ZNF695: variants seen among roughly 807,000 people sequenced by gnomAD.
The protein encoded by ZNF695 is zinc finger protein SBZF3.
A neutral mutation model predicts 11.2 loss-of-function variants in ZNF695; 11 were observed. That is an observed-to-expected ratio of 0.98 (90% CI 0.62 to 1.62). The LOEUF is 1.62. Among genes scored for constraint, ZNF695 ranks in the 40% most tolerant of loss-of-function variants. ZNF695 has a pLI of 0.00. For missense variants in ZNF695, 559 were observed against 590.5 expected (o/e 0.95, Z 0.55); for synonymous variants, 190 against 201.4 (o/e 0.94, Z 0.48).
chr1:246,976,319 T>G (rs1668556727), intron 4 of ZNF695, among the ~76,000 whole-genome samples: 1 of 152,172 alleles, frequency 6.6e-6, no homozygotes, highest in South Asian at 2.1e-4. Context: ...GCAAAACAAT[T>G]TTTTAATTAG....
chr1:247,007,970 G>A lies in ZNF695; in HGVS notation c.-62C>T. ...AATCTCGCAATACCTGCAGGCCACAGGGCGATGGAGCCTGCGGCAGTCACC... is the reference window on the plus strand; with the variant it reads ...AATCTCGCAATACCTGCAGGCCACAAGGCGATGGAGCCTGCGGCAGTCACC... On this transcript the variant is annotated 5_prime_UTR_variant, in exon 1 of 4. Transcript: ENST00000339986. 6.9e-7 allele frequency: 1 copy of A among 1,445,846 alleles called. No homozygotes were observed. 89.6% of individuals were successfully genotyped at this position (1,445,846 alleles called of 1,614,324 possible). A position where few individuals can be genotyped will look rare whatever the true frequency, so the allele number is the denominator to read the frequency against.
In ZNF695 at chr1:247,000,229, G is replaced by A. The variant is rs571633021; in HGVS notation, c.4-155C>T. Among the ~76,000 whole-genome samples the A allele has an allele frequency of 3.7e-4, 57 of 152,324 alleles. 1 individual carries two copies. The South Asian group carries it at 0.011, about 29-fold the overall frequency. On this transcript the variant is annotated intron_variant, in intron 1 of 3. Coordinates refer to ENST00000339986, the MANE Select transcript of ZNF695 (RefSeq NM_020394.5). ...TTAACACAGAAATATACTCTAGGCC[G>A]GGCGCGGCGGCTCACACCTGTAATC...
At position 246,985,555 on chromosome 1, in the gene ZNF695, T is replaced by C. The variant is rs900913527; in HGVS notation, c.*1412A>G. On this transcript the variant is annotated 3_prime_UTR_variant, in exon 4 of 4. Transcript: ENST00000339986. ...GTAACTAAGGTGAGATAGGTTAACG[T>C]TGGTGGTAGGATACGCATCACTTAA... The C allele has an allele frequency of 3.0e-6, 3 of 985,294 alleles. No individual in the cohort carries two copies. Among genetic ancestry groups the C allele is most frequent in the African/African-American group, 1.7e-5 (1 of 57,242 alleles). 61.0% of individuals were successfully genotyped at this position (985,294 alleles called of 1,614,324 possible). A position where few individuals can be genotyped will look rare whatever the true frequency, so the allele number is the denominator to read the frequency against.
At position 246,987,958 on chromosome 1, in the gene ZNF695, C is replaced by T; in HGVS notation, c.557G>A (p.Cys186Tyr). The T allele has an allele frequency of 1.9e-6, 3 of 1,609,428 alleles. No homozygotes were observed. The highest frequency in any genetic ancestry group is 2.5e-6 in the Non-Finnish European group (3 of 1,178,556). ...ISHTGEKPFK[C>Y]KECGNVSCMS... ...GCAAGAGACATTGCCACATTCTTTG[C>T]ATTTGAATGGTTTTTCTCCAGTATG... The change falls in exon 4 of 4, where the codon TGC (cysteine) becomes TAC (tyrosine). Residue 186 changes from cysteine to tyrosine, a missense_variant. Physicochemically the swap from Cys to Tyr is radical, Grantham distance 194 (BLOSUM62 -2). Transcript: ENST00000339986.
intron 4 of ZNF695, among the ~76,000 whole-genome samples, chr1:246,977,295 CG>C (rs1303919206): frequency 6.6e-6 from 1 of 152,210 alleles, no homozygotes; most frequent in Non-Finnish European, 1.5e-5. Flanking sequence ...GTCGGTCTGT[CG>C]CCCAGGCTGG....
intron 4 of ZNF695, among the ~76,000 whole-genome samples, chr1:246,976,004 A>G (rs74155704): frequency 0.1 from 15,514 of 152,146 alleles, 2,641 homozygotes; most frequent in African/African-American, 0.35. Context: ...CAAGGTTAAG[A>G]GAGAGAGGCT....
chr1:246,959,350 T>TATATAA (rs1455518501), intron 5 of ZNF695, among the ~76,000 whole-genome samples: 3 of 98,400 alleles, frequency 3.0e-5, no homozygotes, highest in African/African-American at 1.2e-4. Context: ...TATATATATA[T>TATATAA]AAAATCTCTT....
intron 5 of ZNF695, among the ~76,000 whole-genome samples, chr1:246,965,703 C>A (rs112657105): frequency 6.6e-6 from 1 of 151,714 alleles, no homozygotes; most frequent in Non-Finnish European, 1.5e-5. Context: ...TTCCACCGTA[C>A]GACCATACGA....
rs934355952 is a variant in ZNF695 at position 246,985,713 on chromosome 1, A to G, written c.*1254T>C. The G allele has an allele frequency of 5.1e-6, 5 of 985,284 alleles. No individual in the cohort carries two copies. The Admixed American group carries it at 2.5e-4, about 48-fold the overall frequency. 61.0% of individuals were successfully genotyped at this position (985,284 alleles called of 1,614,324 possible). ...GCAATAGGAAAAACAACTGACTTGTAAAACTCAAATGTTTCTTTCTTAAAT... is the reference window on the plus strand; with the variant it reads ...GCAATAGGAAAAACAACTGACTTGTGAAACTCAAATGTTTCTTTCTTAAAT... On this transcript the variant is annotated 3_prime_UTR_variant, in exon 4 of 4. Transcript: ENST00000339986.
intron 4 of ZNF695, among the ~76,000 whole-genome samples, chr1:246,971,977 C>T (rs182940523): frequency 1.4e-3 from 218 of 152,240 alleles, no homozygotes; most frequent in Non-Finnish European, 2.6e-3. Flanking sequence ...CTCAGGTGAT[C>T]CATCCACCGG....
At chr1:246,982,130 C>T (rs1446159395), downstream of ZNF695, among the ~76,000 whole-genome samples, 3 of 151,800 alleles carry the variant, frequency 2.0e-5, no homozygotes, top group Admixed American at 6.6e-5. Context: ...ATTAGCCAGG[C>T]GTGGTGGTGC....
At chr1:246,999,490 A>G in intron 2 of ZNF695, 50 bp from the exon 3 acceptor site, 3 of 1,406,992 alleles carry the variant, frequency 2.1e-6, no homozygotes, top group Non-Finnish European at 3.0e-6. Flanking sequence ...TTCTTTAATC[A>G]CCTTTTACTA....
intron 1 of ZNF695, among the ~76,000 whole-genome samples, chr1:247,004,503 A>T (rs1669481333): frequency 6.6e-6 from 1 of 152,212 alleles, no homozygotes; most frequent in Non-Finnish European, 1.5e-5. Context: ...GGAAAAACTG[A>T]CAGCTATACC....
At chr1:246,996,597 A>G (rs1669218115) in intron 3 of ZNF695, among the ~76,000 whole-genome samples, 1 of 152,250 alleles carries the variant, frequency 6.6e-6, no homozygotes, top group Non-Finnish European at 1.5e-5. Context: ...GAAATCTGGT[A>G]AAATCTACAA....
chr1:246,957,558 T>C (rs75834394), intron 5 of ZNF695, among the ~76,000 whole-genome samples: 7,892 of 152,228 alleles, frequency 0.052, 697 homozygotes, highest in African/African-American at 0.18. Context: ...CAGATATTTA[T>C]AATAAAATAT....
chr1:247,007,261 T>C (rs1669565167), intron 1 of ZNF695, among the ~76,000 whole-genome samples: 1 of 151,730 alleles, frequency 6.6e-6, no homozygotes, highest in African/African-American at 2.4e-5. Context: ...ATCCCAGCAC[T>C]TTGGGAGGCC....
Position 247,007,910 on chromosome 1 carries a change from T to TC in ZNF695, c.-3dup. 1 of 1,532,604 alleles carries TC rather than the reference T, an allele frequency of 6.5e-7. No individual in the cohort carries two copies. 94.9% of individuals were successfully genotyped at this position (1,532,604 alleles called of 1,614,324 possible). On this transcript the variant is annotated 5_prime_UTR_variant, in exon 1 of 4. Coordinates refer to ENST00000339986, the MANE Select transcript of ZNF695 (RefSeq NM_020394.5). ...CACCCTGCTCCGCACACTCACCATT[T>TC]CCCAGCTTTTGGGGGTCCCAGCGTC... is the stretch of plus-strand genomic sequence containing the variant.
At chr1:246,964,920 C>T (rs1253924587) in intron 5 of ZNF695, among the ~76,000 whole-genome samples, 1 of 152,112 alleles carries the variant, frequency 6.6e-6, no homozygotes, top group Non-Finnish European at 1.5e-5. Context: ...AAAACTTAAT[C>T]CCCAATGTGG....
intron 1 of ZNF695, among the ~76,000 whole-genome samples, chr1:247,000,647 G>C (rs1051548466): frequency 6.6e-6 from 1 of 152,104 alleles, no homozygotes; most frequent in Non-Finnish European, 1.5e-5. Flanking sequence ...AAAATTAAGG[G>C]CATCAACTCA....
Sources: allele counts gnomAD v4.1 joint callset (sites outside exome capture counted in the v4.1 genomes callset), GRCh38; gene constraint gnomAD v4.1.1; transcripts MANE v1.5; gene names NCBI Gene and HGNC (gene_info 2026-07-23, HGNC 2026-07-21).